The following KCNQ3 variants were observed in gnomAD, a reference collection of about 807,000 sequenced individuals.
KCNQ3 encodes potassium voltage-gated channel subfamily KQT member 3.
KCNQ3 carries 30 observed loss-of-function variants against 92.5 expected under a neutral mutation model. The ratio of observed to expected loss-of-function variants is 0.32; its 90% CI spans 0.24 to 0.44. KCNQ3 has a LOEUF of 0.44. Ranked by LOEUF, KCNQ3 falls within the 20% of genes least tolerant of loss-of-function variation. The probability of loss-of-function intolerance (pLI) is 1.00; values close to 1 mark genes in which losing one functional copy is unlikely to be tolerated. For synonymous variants in KCNQ3, 450 were observed against 468.8 expected, an observed-to-expected ratio of 0.96 and a Z score of 0.52; for missense variants, 913 against 1,140.3, an observed-to-expected ratio of 0.80 and a Z score of 2.87.
intron 1 of KCNQ3, among the ~76,000 whole-genome samples, chr8:132,457,337 C>G (rs547922818): frequency 6.6e-6 from 1 of 152,088 alleles, no homozygotes; most frequent in Non-Finnish European, 1.5e-5. Flanking sequence ...ACAGAGACAC[C>G]GAGGTTTCTT....
At chr8:132,356,218 C>T (rs748221660) in intron 1 of KCNQ3, among the ~76,000 whole-genome samples, 1 of 152,204 alleles carries the variant, frequency 6.6e-6, no homozygotes, top group Non-Finnish European at 1.5e-5. Flanking sequence ...TGCTCGCAGG[C>T]TGCTCACCTT....
intron 1 of KCNQ3, among the ~76,000 whole-genome samples, chr8:132,448,531 A>G (rs1319201891): frequency 2.0e-5 from 3 of 150,076 alleles, no homozygotes; most frequent in African/African-American, 4.9e-5. Context: ...AAAGAGGAAG[A>G]AGAAGAAAAC....
At chr8:132,329,460 T>C (rs1221261563) in intron 1 of KCNQ3, among the ~76,000 whole-genome samples, 1 of 151,808 alleles carries the variant, frequency 6.6e-6, no homozygotes, top group Non-Finnish European at 1.5e-5. Context: ...TAGAAAAGGA[T>C]ACTGGATTCT....
intron 1 of KCNQ3, among the ~76,000 whole-genome samples, chr8:132,361,807 C>G (rs773793831): frequency 6.6e-6 from 1 of 152,044 alleles, no homozygotes; most frequent in East Asian, 1.9e-4. Context: ...TATTTTTAAA[C>G]TTTTAAACTG....
intron 1 of KCNQ3, among the ~76,000 whole-genome samples, chr8:132,260,628 T>A (rs1157239036): frequency 6.6e-6 from 1 of 152,094 alleles, no homozygotes; most frequent in Admixed American, 6.6e-5. Context: ...AAATTGAAAT[T>A]CATGGTGGTA....
intron 1 of KCNQ3, among the ~76,000 whole-genome samples, chr8:132,361,531 C>A (rs1398187381): frequency 6.6e-6 from 1 of 151,890 alleles, no homozygotes; most frequent in African/African-American, 2.4e-5. Context: ...TATCAGGCTG[C>A]AAGATTACTG....
intron 1 of KCNQ3, among the ~76,000 whole-genome samples, chr8:132,408,925 C>T (rs933851564): frequency 2.0e-5 from 3 of 152,204 alleles, no homozygotes; most frequent in Non-Finnish European, 4.4e-5. Flanking sequence ...AGATGCAGCC[C>T]TGCCTGACAC....
intron 1 of KCNQ3, among the ~76,000 whole-genome samples, chr8:132,231,989 G>A (rs1437062069): frequency 6.6e-6 from 1 of 152,124 alleles, no homozygotes; most frequent in Non-Finnish European, 1.5e-5. Context: ...CTCCCTACTG[G>A]AATAGTGACT....
chr8:132,348,149 C>T (rs1363095920), intron 1 of KCNQ3, among the ~76,000 whole-genome samples: 3 of 151,976 alleles, frequency 2.0e-5, no homozygotes, highest in East Asian at 3.9e-4. Flanking sequence ...TGATCTGCTC[C>T]TACAAGTTAA....
intron 1 of KCNQ3, among the ~76,000 whole-genome samples, chr8:132,423,769 T>A (rs1047540481): frequency 2.6e-5 from 4 of 152,104 alleles, no homozygotes; most frequent in African/African-American, 9.7e-5. Flanking sequence ...TCCTGACCTT[T>A]GAGCCACAGC....
chr8:132,272,936 A>G (rs547974661), intron 1 of KCNQ3, among the ~76,000 whole-genome samples: 3 of 152,296 alleles, frequency 2.0e-5, no homozygotes, highest in Admixed American at 6.5e-5. Flanking sequence ...GCATTAACTC[A>G]AAAGTACACA....
chr8:132,383,139 G>A (rs2130757993), intron 1 of KCNQ3, among the ~76,000 whole-genome samples: 1 of 152,298 alleles, frequency 6.6e-6, no homozygotes. Flanking sequence ...CCCTTTGCCT[G>A]CTTTCCCCAT....
Position 132,140,099 on chromosome 8 carries a change from C to T in KCNQ3, c.1545G>A (p.Leu515=). ...DFPIEDMIPT[L]KAAIRAVRIL... ...ACCTGACGGCTCGGATGGCGGCCTT[C>T]AGGGTGGGGATCATGTCTTCGATGG... is the stretch of plus-strand genomic sequence containing the variant. Residue 515 remains leucine, a synonymous_variant, in exon 11 of 15, where the codon CTG becomes CTA. Transcript: ENST00000388996. The T allele has an allele frequency of 6.2e-7, 1 of 1,604,692 alleles. No homozygotes were observed. Among genetic ancestry groups the T allele is most frequent in the Admixed American group, 1.7e-5 (1 of 59,110 alleles).
intron 1 of KCNQ3, among the ~76,000 whole-genome samples, chr8:132,443,801 G>A (rs369388318): frequency 3.3e-5 from 5 of 152,000 alleles, no homozygotes; most frequent in Non-Finnish European, 5.9e-5. Context: ...TTCAGGTCCC[G>A]TTCCAGTACC....
At chr8:132,156,540 G>A in intron 9 of KCNQ3, among the ~76,000 whole-genome samples, 1 of 152,142 alleles carries the variant, frequency 6.6e-6, no homozygotes. Context: ...GCCCCTGTGT[G>A]AGTTGTTTCA....
chr8:132,178,518 G>A (rs775117128), intron 4 of KCNQ3, among the ~76,000 whole-genome samples: 14 of 152,106 alleles, frequency 9.2e-5, no homozygotes, highest in Admixed American at 5.2e-4. Context: ...ACATTTTCTC[G>A]CATGAGCACC....
At chr8:132,214,180 C>T (rs1302602998) in intron 1 of KCNQ3, among the ~76,000 whole-genome samples, 2 of 152,224 alleles carry the variant, frequency 1.3e-5, no homozygotes, top group Non-Finnish European at 2.9e-5. Flanking sequence ...CTCTGAGCTA[C>T]AGTTCCCTCC....
At chr8:132,408,698 T>C (rs1026598055) in intron 1 of KCNQ3, among the ~76,000 whole-genome samples, 1 of 152,230 alleles carries the variant, frequency 6.6e-6, no homozygotes, top group African/African-American at 2.4e-5. Context: ...CCAAATCTAG[T>C]GAGCCATAAA....
chr8:132,255,464 A>T (rs1389187584), intron 1 of KCNQ3, among the ~76,000 whole-genome samples: 1 of 152,250 alleles, frequency 6.6e-6, no homozygotes, highest in Non-Finnish European at 1.5e-5. Flanking sequence ...TCTGTGCTAC[A>T]GGGATTTTCC....
Sources: allele counts gnomAD v4.1 joint callset (sites outside exome capture counted in the v4.1 genomes callset), GRCh38; gene constraint gnomAD v4.1.1; transcripts MANE v1.5; gene names NCBI Gene and HGNC (gene_info 2026-07-23, HGNC 2026-07-21).